HINFP: variants seen among roughly 807,000 people sequenced by gnomAD.
HINFP encodes histone H4 transcription factor, also known as MBD2 (methyl-CpG-binding protein)-interacting zinc finger protein.
Under a neutral mutation model 50.1 loss-of-function variants are expected in HINFP, and 20 were observed. The ratio of observed to expected loss-of-function variants is 0.40; its 90% CI spans 0.28 to 0.58. The LOEUF is 0.58. Among genes scored for constraint, HINFP ranks in the 20% least tolerant of loss-of-function variants. The pLI is 0.45. For missense variants in HINFP, 505 were observed against 664.1 expected (o/e 0.76, Z 2.63); for synonymous variants, 247 against 243.7 (o/e 1.01, Z -0.13).
rs1947972116 is a variant in HINFP at position 119,134,562 on chromosome 11, C to T, written c.*64C>T. ...AGTTTGAGCCAGGCAAGTGGCAGTG[C>T]CCCTAGTGGGCAGCCGTTGCCAATG... On this transcript the variant is annotated 3_prime_UTR_variant, in exon 10 of 10. Coordinates refer to ENST00000350777, the MANE Select transcript of HINFP (RefSeq NM_198971.3). The surrounding 1 kb of genome is among the most constrained non-coding windows in gnomAD (Gnocchi z 4.3). The T allele has an allele frequency of 1.5e-6, 2 of 1,346,276 alleles. No homozygotes were observed. Among genetic ancestry groups the T allele is most frequent in the Admixed American group, 2.5e-5 (1 of 39,946 alleles). 83.4% of individuals were successfully genotyped at this position (1,346,276 alleles called of 1,614,324 possible). A position where few individuals can be genotyped will look rare whatever the true frequency, so the allele number is the denominator to read the frequency against.
intron 5 of HINFP, chr11:119,132,266 G>A: frequency 1.6e-6 from 1 of 621,074 alleles, no homozygotes; most frequent in Non-Finnish European, 2.8e-6. Context: ...GGCTCAGAGA[G>A]GTTAAATCAC....
chr11:119,131,193 A>G lies in HINFP; in HGVS notation c.411+239A>G, dbSNP rs761924580. Reference sequence around the variant, plus strand: ...AACCTTGAACTCCTGGGCTCAAGCAATCCTCCCACCTCAGCCTCCCAAGTA... The same window carrying G: ...AACCTTGAACTCCTGGGCTCAAGCAGTCCTCCCACCTCAGCCTCCCAAGTA... On this transcript the variant is annotated intron_variant, in intron 3 of 9. Transcript: ENST00000350777. This position sits in a 1 kb window ranked among gnomAD's most constrained non-coding sequence, Gnocchi z 4.2. 7.6e-6 allele frequency: 5 copies of G among 659,614 alleles called. No individual in the cohort carries two copies. The highest frequency in any genetic ancestry group is 1.1e-5 in the Non-Finnish European group (4 of 359,476). 40.9% of individuals were successfully genotyped at this position (659,614 alleles called of 1,614,324 possible). A position where few individuals can be genotyped will look rare whatever the true frequency, so the allele number is the denominator to read the frequency against.
At chr11:119,133,929 C>A in intron 9 of HINFP, 155 bp from the exon 10 acceptor site, 2 of 938,854 alleles carry the variant, frequency 2.1e-6, no homozygotes, top group Non-Finnish European at 3.2e-6. Context: ...TTTTCTTCTA[C>A]ATATTCCAAT....
chr11:119,130,956 T>C lies in HINFP; in HGVS notation c.411+2T>C. Reference sequence around the variant, plus strand: ...CTGTGTCTGTGGGAGCACTGTGAGGTCAGCAGGCAGTGCCAGTAATTGGGG... The same window carrying C: ...CTGTGTCTGTGGGAGCACTGTGAGGCCAGCAGGCAGTGCCAGTAATTGGGG... On this transcript the variant is annotated splice_donor_variant, in intron 3 of 9. Transcript: ENST00000350777. LOFTEE classifies it high-confidence loss of function. The C allele has an allele frequency of 1.9e-6, 3 of 1,613,434 alleles. No homozygotes were observed. The highest frequency in any genetic ancestry group is 2.5e-6 in the Non-Finnish European group (3 of 1,179,322).
chr11:119,131,925 A>G lies in HINFP; in HGVS notation c.619A>G (p.Met207Val). The stretch of plus-strand genomic sequence containing the variant: ...GGTAGCCTGCCCCACCTGTGGGGGC[A>G]TGTTTGCCAACAATACCAAGTTCTT... ...KVVACPTCGG[M>V]FANNTKFLDH... The change falls in exon 5 of 10, where the codon ATG becomes GTG. Residue 207 changes from methionine (M) to valine (V), a missense_variant. Physicochemically the swap from Met to Val is conservative, Grantham distance 21. Coordinates refer to ENST00000350777, the MANE Select transcript of HINFP (RefSeq NM_198971.3). This position sits in a 1 kb window ranked among gnomAD's most constrained non-coding sequence, Gnocchi z 4.2. 1 of 1,614,086 alleles carries G rather than the reference A, an allele frequency of 6.2e-7. No individual in the cohort carries two copies. The highest frequency in any genetic ancestry group is 8.5e-7 in the Non-Finnish European group (1 of 1,180,004).
At position 119,131,948 on chromosome 11, in the gene HINFP, C is replaced by A. The variant is rs1947784262; in HGVS notation, c.642C>A (p.Phe214Leu). 2 of 1,614,058 alleles carry A rather than the reference C, an allele frequency of 1.2e-6. No homozygotes were observed. The highest frequency in any genetic ancestry group is 1.7e-6 in the Non-Finnish European group (2 of 1,180,042). Residue 214 changes from phenylalanine (F) to leucine (L), a missense_variant, in exon 5 of 10, where the codon TTC (phenylalanine) becomes TTA (leucine). By Grantham distance (22) the Phe-to-Leu change is conservative. Transcript: ENST00000350777. The surrounding 1 kb of genome is among the most constrained non-coding windows in gnomAD (Gnocchi z 4.2). ...CGGMFANNTK[F>L]LDHIRRQTSL... Reference sequence around the variant, plus strand: ...GCATGTTTGCCAACAATACCAAGTTCTTAGATCACATCCGTCGCCAGACCT... The same window carrying A: ...GCATGTTTGCCAACAATACCAAGTTATTAGATCACATCCGTCGCCAGACCT...
chr11:119,124,582 G>T (rs531644899), intron 1 of HINFP: 1 of 152,266 alleles, frequency 6.6e-6, no homozygotes, highest in East Asian at 1.9e-4. Flanking sequence ...CAACTGGGGT[G>T]CTGAGTTAAA....
rs1453063369 is a variant in HINFP, at chr11:119,134,129, C to T, written c.1185C>T (p.Arg395=). 2.4e-5 allele frequency: 38 copies of T among 1,614,188 alleles called. No homozygotes were observed. The highest frequency in any genetic ancestry group is 3.1e-5 in the Non-Finnish European group (37 of 1,180,034). ...GCTATATGCGGCTGCAGCTGGTTCGCTACGAGAGTGTAGAGCTGACACAGC... is the reference window on the plus strand; with the variant it reads ...GCTATATGCGGCTGCAGCTGGTTCGTTACGAGAGTGTAGAGCTGACACAGC... The part of the protein sequence containing the change: ...EDGYMRLQLV[R]YESVELTQQL... Residue 395 remains arginine (R), a synonymous_variant, in exon 10 of 10, where the codon CGC becomes CGT. Transcript: ENST00000350777. The surrounding 1 kb of genome is among the most constrained non-coding windows in gnomAD (Gnocchi z 4.3).
In HINFP at chr11:119,130,610, AGAGTCCAGCCTCCTCAC is replaced by A. The variant is rs886840118; in HGVS notation, c.182-97_182-81del. The A allele has an allele frequency of 2.8e-4, 227 of 822,170 alleles. 1 individual carries two copies. In the Middle Eastern group the frequency reaches 4.1e-3, roughly 15 times the overall value. 50.9% of individuals were successfully genotyped at this position (822,170 alleles called of 1,614,324 possible). A position where few individuals can be genotyped will look rare whatever the true frequency, so the allele number is the denominator to read the frequency against. On this transcript the variant is annotated intron_variant, in intron 2 of 9. Transcript: ENST00000350777. Reference sequence around the variant, plus strand: ...CTAAATGAACCCTGGTAATTTGGTTAGAGTCCAGCCTCCTCACGAGTCCAGCCTCCTCACTCTCTGTT... The same window carrying A: ...CTAAATGAACCCTGGTAATTTGGTTAGAGTCCAGCCTCCTCACTCTCTGTT...
Position 119,133,192 on chromosome 11 carries a change from A to C in HINFP, c.1112A>C (p.Lys371Thr). The C allele has an allele frequency of 3.1e-6, 5 of 1,614,208 alleles. No individual in the cohort carries two copies. Among genetic ancestry groups the C allele is most frequent in the South Asian group, 2.2e-5 (2 of 91,086 alleles). Residue 371 changes from lysine to threonine, a missense_variant, in exon 9 of 10, where the codon AAG (lysine) becomes ACG (threonine). By Grantham distance (78) the Lys-to-Thr change is moderately conservative. Coordinates refer to ENST00000350777, the MANE Select transcript of HINFP (RefSeq NM_198971.3). The stretch of plus-strand genomic sequence containing the variant: ...CACCTTCGCAAGAAGCACCAGTTCA[A>C]GTGGCCCTCAGGGCATCCCCGTTTT... ...TVHLRKKHQF[K>T]WPSGHPRFRY... is the part of the protein sequence containing the mutation.
intron 9 of HINFP, 29 bp downstream of exon 9, chr11:119,133,248 T>C: frequency 6.2e-7 from 1 of 1,612,102 alleles, no homozygotes; most frequent in Non-Finnish European, 8.5e-7. Flanking sequence ...CTTCCCAGAT[T>C]AACACACTTG....
At chr11:119,123,435 A>G (rs2135011217) in intron 1 of HINFP, among the ~76,000 whole-genome samples, 1 of 152,308 alleles carries the variant, frequency 6.6e-6, no homozygotes, top group East Asian at 1.9e-4. Flanking sequence ...AGAGCCTTGC[A>G]TTTCATACTG....
chr11:119,127,330 C>G, intron 2 of HINFP: 1 of 449,386 alleles, frequency 2.2e-6, no homozygotes, highest in Non-Finnish European at 3.9e-6. Context: ...ATCCTGCCAT[C>G]AAGAAGTAAT....
At position 119,130,712 on chromosome 11, in the gene HINFP, C is replaced by A. The variant is rs1038315951; in HGVS notation, c.182-13C>A. The A allele has an allele frequency of 6.2e-7, 1 of 1,611,116 alleles. No individual in the cohort carries two copies. Among genetic ancestry groups the A allele is most frequent in the African/African-American group, 1.3e-5 (1 of 74,990 alleles). ...AAAGTGTCAGACTCTTCCTTTTAAA[C>A]CCCTTTCTACAGAGGAAGAATTCTC... On this transcript the variant is annotated splice_polypyrimidine_tract_variant and intron_variant, in intron 2 of 9. Transcript: ENST00000350777.
In HINFP at chr11:119,132,659, A is replaced by C. The variant is rs1433512371; in HGVS notation, c.755-2A>C. ...TCACAGCCTCCTCTCTGCTTCTCTC[A>C]GTGAATCACTATAAGTGCCCTCTGT... On this transcript the variant is annotated splice_acceptor_variant, in intron 6 of 9. Coordinates refer to ENST00000350777, the MANE Select transcript of HINFP (RefSeq NM_198971.3). LOFTEE classifies it high-confidence loss of function. 2 of 1,613,946 alleles carry C rather than the reference A, an allele frequency of 1.2e-6. No homozygotes were observed. The highest frequency in any genetic ancestry group is 3.3e-5 in the Admixed American group (2 of 60,002).
rs1947722537 is a variant in HINFP at position 119,131,013 on chromosome 11, C to G, written c.411+59C>G. ...GAAGCTGGGGGTCTTAACTCTGATG[C>G]CTTGTCCCTTTCAGGGATGCCTTAT... On this transcript the variant is annotated intron_variant, in intron 3 of 9. Coordinates refer to ENST00000350777, the MANE Select transcript of HINFP (RefSeq NM_198971.3). This position sits in a 1 kb window ranked among gnomAD's most constrained non-coding sequence, Gnocchi z 4.2. 6.0e-6 allele frequency: 8 copies of G among 1,335,408 alleles called. No homozygotes were observed. In the East Asian group the frequency reaches 1.8e-4, roughly 31 times the overall value. The allele number at this position is 1,335,408 out of a possible 1,614,324, so 82.7% of individuals were successfully genotyped here.
At chr11:119,132,470 CCTTT>C (rs749878705) in intron 5 of HINFP, 22 bp from the exon 6 acceptor site, 12 of 1,612,824 alleles carry the variant, frequency 7.4e-6, no homozygotes, top group Non-Finnish European at 8.5e-7. Flanking sequence ...CTACAGCCCT[CCTTT>C]CTTCTGCCTG....
intron 9 of HINFP, 129 bp downstream of exon 9, chr11:119,133,348 A>G (rs572924169): frequency 4.4e-6 from 5 of 1,135,218 alleles, no homozygotes; most frequent in South Asian, 4.3e-5. Context: ...TGGGAGGCCA[A>G]GGTGGGCGGA....
rs1464224981 is a variant in HINFP, at chr11:119,131,049, T to C, written c.411+95T>C. On this transcript the variant is annotated intron_variant, in intron 3 of 9. Coordinates refer to ENST00000350777, the MANE Select transcript of HINFP (RefSeq NM_198971.3). This position sits in a 1 kb window ranked among gnomAD's most constrained non-coding sequence, Gnocchi z 4.2. ...TCAGGGATGCCTTATATTTCCAAGA[T>C]TCCTGCTAGTATCTCTCTTCCATTT... is the stretch of plus-strand genomic sequence containing the variant. 18 of 969,554 alleles carry C rather than the reference T, an allele frequency of 1.9e-5. No homozygotes were observed. Among genetic ancestry groups the C allele is most frequent in the Non-Finnish European group, 2.6e-5 (16 of 604,128 alleles). 60.1% of individuals were successfully genotyped at this position (969,554 alleles called of 1,614,324 possible). A position where few individuals can be genotyped will look rare whatever the true frequency, so the allele number is the denominator to read the frequency against.
Sources: allele counts gnomAD v4.1 joint callset (sites outside exome capture counted in the v4.1 genomes callset), GRCh38; gene constraint gnomAD v4.1.1; non-coding constraint Gnocchi (gnomAD v3.1); transcripts MANE v1.5; gene names NCBI Gene and HGNC (gene_info 2026-07-23, HGNC 2026-07-21).